Variants in NTRK3 observed in about 807,000 individuals in gnomAD.
NTRK3 encodes NT-3 growth factor receptor.
A neutral mutation model predicts 91.7 loss-of-function variants in NTRK3; 24 were observed. The observed-to-expected ratio is 0.26, with a 90% CI of 0.19 to 0.37. The LOEUF is 0.37. NTRK3 is among the 10% of genes least tolerant of loss of function. The probability of loss-of-function intolerance (pLI) is 1.00; values close to 1 mark genes in which losing one functional copy is unlikely to be tolerated. For missense variants in NTRK3, 880 were observed against 1,068.9 expected, an observed-to-expected ratio of 0.82 and a Z score of 2.46; for synonymous variants, 483 against 404.0, an observed-to-expected ratio of 1.20 and a Z score of -2.34.
chr15:88,044,507 C>T (rs1002204344), intron 13 of NTRK3, among the ~76,000 whole-genome samples: 4 of 151,814 alleles, frequency 2.6e-5, no homozygotes, highest in Admixed American at 6.6e-5. Flanking sequence ...GTGATCTGCC[C>T]GCCTTGGCCT....
At chr15:88,066,421 A>G (rs2046654983) in intron 13 of NTRK3, among the ~76,000 whole-genome samples, 1 of 152,228 alleles carries the variant, frequency 6.6e-6, no homozygotes, top group East Asian at 1.9e-4. Context: ...TAAAGAGCTG[A>G]AAGCCCATAG....
chr15:88,145,629 T>A (rs2042819756), intron 6 of NTRK3, among the ~76,000 whole-genome samples: 1 of 152,216 alleles, frequency 6.6e-6, no homozygotes, highest in Admixed American at 6.5e-5. Context: ...CAGCACACCA[T>A]TGATTTCACA....
At chr15:87,881,846 AGAATTTT>A (rs1255161551) in intron 17 of NTRK3, among the ~76,000 whole-genome samples, 1 of 152,154 alleles carries the variant, frequency 6.6e-6, no homozygotes, top group Non-Finnish European at 1.5e-5. Context: ...AACCACTTGA[AGAATTTT>A]AGGAGGTAAA....
At chr15:87,879,881 T>C (rs2065147451) in intron 18 of NTRK3, among the ~76,000 whole-genome samples, 1 of 152,186 alleles carries the variant, frequency 6.6e-6, no homozygotes, top group East Asian at 1.9e-4. Flanking sequence ...TTGGCATACC[T>C]AAAACCTTTG....
intron 3 of NTRK3, among the ~76,000 whole-genome samples, chr15:88,186,879 T>C (rs759928465): frequency 1.3e-5 from 2 of 152,214 alleles, no homozygotes; most frequent in Non-Finnish European, 2.9e-5. Flanking sequence ...ATGCATATCC[T>C]GGCCCCACCA....
intron 14 of NTRK3, among the ~76,000 whole-genome samples, chr15:88,003,814 T>C (rs1039899336): frequency 1.3e-5 from 2 of 149,906 alleles, no homozygotes; most frequent in African/African-American, 2.4e-5. Flanking sequence ...CCAACTGTTA[T>C]GATATATTTG....
intron 3 of NTRK3, among the ~76,000 whole-genome samples, chr15:88,238,009 G>A (rs1385497512): frequency 6.6e-6 from 1 of 152,150 alleles, no homozygotes; most frequent in Non-Finnish European, 1.5e-5. Context: ...GATTGGGGTA[G>A]CCCTAATTCA....
At chr15:87,934,849 G>A (rs923504737) in intron 15 of NTRK3, among the ~76,000 whole-genome samples, 3 of 152,160 alleles carry the variant, frequency 2.0e-5, no homozygotes, top group African/African-American at 7.2e-5. Context: ...AGGTCATCAA[G>A]TGGAGGTGTG....
chr15:88,013,153 C>T (rs2077000113), intron 14 of NTRK3, among the ~76,000 whole-genome samples: 1 of 131,120 alleles, frequency 7.6e-6, no homozygotes, highest in Admixed American at 7.8e-5. Flanking sequence ...CCACTACCAG[C>T]AGCTGAAACC....
intron 13 of NTRK3, among the ~76,000 whole-genome samples, chr15:88,033,747 A>T (rs184666126): frequency 1.3e-5 from 2 of 152,340 alleles, no homozygotes; most frequent in East Asian, 3.9e-4. Flanking sequence ...TGGAAAATCA[A>T]GGTAAATTTA....
intron 5 of NTRK3, among the ~76,000 whole-genome samples, chr15:88,164,242 G>A (rs894516568): frequency 1.3e-5 from 2 of 152,208 alleles, no homozygotes; most frequent in Non-Finnish European, 2.9e-5. Flanking sequence ...CTGCAGCCGG[G>A]CTGGCCACAG....
At chr15:87,934,833 C>T (rs1319486558) in intron 15 of NTRK3, among the ~76,000 whole-genome samples, 2 of 152,146 alleles carry the variant, frequency 1.3e-5, no homozygotes, top group African/African-American at 4.8e-5. Flanking sequence ...AGTAGCAATG[C>T]CTCTAAGGTC....
chr15:87,972,604 T>C (rs987790276), intron 14 of NTRK3, among the ~76,000 whole-genome samples: 5 of 152,126 alleles, frequency 3.3e-5, no homozygotes, highest in Admixed American at 2.0e-4. Context: ...TCCCCACCCA[T>C]AGGTAAATCA....
intron 14 of NTRK3, 60 bp downstream of exon 14, chr15:88,032,797 G>C (rs2078670882): frequency 6.3e-7 from 1 of 1,587,656 alleles, no homozygotes; most frequent in African/African-American, 1.3e-5. Flanking sequence ...CCAGGTACAT[G>C]GTCTATCACC....
chr15:87,885,592 C>A, intron 17 of NTRK3, 102 bp downstream of exon 18: 1 of 628,966 alleles, frequency 1.6e-6, no homozygotes, highest in Non-Finnish European at 2.6e-6. Context: ...AGAGGCAGAC[C>A]CATGTATAAA....
chr15:87,987,921 C>T (rs929578581), intron 14 of NTRK3, among the ~76,000 whole-genome samples: 31 of 151,976 alleles, frequency 2.0e-4, no homozygotes, highest in Middle Eastern at 3.4e-3. Flanking sequence ...AAAAGTACTA[C>T]GTTTAATAAA....
At chr15:88,187,551 G>C (rs1263705700) in intron 3 of NTRK3, among the ~76,000 whole-genome samples, 1 of 152,182 alleles carries the variant, frequency 6.6e-6, no homozygotes, top group Non-Finnish European at 1.5e-5. Context: ...GTTTGCCTTT[G>C]TCAATGGTGA....
At chr15:88,223,848 C>T (rs1338811840) in intron 3 of NTRK3, among the ~76,000 whole-genome samples, 9 of 152,256 alleles carry the variant, frequency 5.9e-5, no homozygotes, top group Admixed American at 5.2e-4. Flanking sequence ...GGCTAGAAAC[C>T]GAGGCAGTGC....
intron 3 of NTRK3, among the ~76,000 whole-genome samples, chr15:88,220,124 T>TA (rs1262467150): frequency 2.0e-5 from 3 of 151,782 alleles, no homozygotes; most frequent in Non-Finnish European, 4.4e-5. Flanking sequence ...TAAGATAAAA[T>TA]AAAATAAATG....
Sources: allele counts gnomAD v4.1 joint callset (sites outside exome capture counted in the v4.1 genomes callset), GRCh38; gene constraint gnomAD v4.1.1; transcripts MANE v1.5; gene names NCBI Gene and HGNC (gene_info 2026-07-23, HGNC 2026-07-21).